DAB1: variants seen among roughly 807,000 people sequenced by gnomAD.
DAB1 encodes disabled homolog 1.
In DAB1, 15 loss-of-function variants were observed where a neutral mutation model predicts 64.6. That is an observed-to-expected ratio of 0.23 (90% CI 0.16 to 0.36). The LOEUF (loss-of-function observed/expected upper bound fraction) is 0.36, where lower values mean the gene tolerates loss of function less well. DAB1 is among the 10% of genes least tolerant of loss of function. The probability of loss-of-function intolerance (pLI) is 1.00; values close to 1 mark genes in which losing one functional copy is unlikely to be tolerated. For synonymous variants in DAB1, 235 were observed against 251.9 expected, an observed-to-expected ratio of 0.93 and a Z score of 0.64; for missense variants, 596 against 706.7, an observed-to-expected ratio of 0.84 and a Z score of 1.78.
At chr1:57,790,564 C>T (rs1229779596) in intron 6 of DAB1, among the ~76,000 whole-genome samples, 2 of 152,084 alleles carry the variant, frequency 1.3e-5, no homozygotes, top group African/African-American at 4.8e-5. Flanking sequence ...GTAGAAGTAT[C>T]CCAGAACCAG....
At chr1:58,118,515 C>T (rs1652509249) in intron 5 of DAB1, among the ~76,000 whole-genome samples, 1 of 113,702 alleles carries the variant, frequency 8.8e-6, no homozygotes, top group African/African-American at 3.5e-5. Context: ...CACACACACA[C>T]ACACACATAT....
intron 3 of DAB1, among the ~76,000 whole-genome samples, chr1:58,439,370 T>C (rs949654865): frequency 3.3e-5 from 5 of 152,094 alleles, no homozygotes; most frequent in African/African-American, 1.2e-4. Flanking sequence ...TCATTGTTCA[T>C]CTCCCTTCAG....
chr1:58,513,394 T>C (rs1646111657), intron 2 of DAB1, among the ~76,000 whole-genome samples: 1 of 152,092 alleles, frequency 6.6e-6, no homozygotes, highest in Non-Finnish European at 1.5e-5. Flanking sequence ...ACTGTGAAAA[T>C]GGACTAATAC....
At chr1:58,112,039 C>T (rs981329309) in intron 5 of DAB1, among the ~76,000 whole-genome samples, 1 of 152,170 alleles carries the variant, frequency 6.6e-6, no homozygotes, top group Non-Finnish European at 1.5e-5. Context: ...TTCTCCCTAT[C>T]CCCCAGTGGC....
At chr1:57,591,425 C>A (rs1242983365) in intron 7 of DAB1, among the ~76,000 whole-genome samples, 1 of 152,280 alleles carries the variant, frequency 6.6e-6, no homozygotes, top group South Asian at 2.1e-4. Context: ...AATGGACCAG[C>A]CAAAATTCAT....
intron 7 of DAB1, among the ~76,000 whole-genome samples, chr1:57,458,503 T>C (rs1686677000): frequency 6.6e-6 from 1 of 151,414 alleles, no homozygotes. Context: ...CGTGAATGAG[T>C]AACTTTTACT....
intron 6 of DAB1, among the ~76,000 whole-genome samples, chr1:57,815,862 T>C (rs1341058552): frequency 2.6e-5 from 4 of 152,200 alleles, no homozygotes; most frequent in African/African-American, 9.7e-5. Flanking sequence ...GTTTTTGCAA[T>C]GGTCTCCAAG....
intron 2 of DAB1, among the ~76,000 whole-genome samples, chr1:57,184,193 AG>A (rs1271364631): frequency 6.6e-6 from 1 of 152,244 alleles, no homozygotes; most frequent in Non-Finnish European, 1.5e-5. Flanking sequence ...TAAAGAAGCT[AG>A]TACCCTCCAC....
At chr1:57,563,556 C>T (rs926660196) in intron 7 of DAB1, among the ~76,000 whole-genome samples, 22 of 152,300 alleles carry the variant, frequency 1.4e-4, no homozygotes, top group African/African-American at 5.3e-4. Flanking sequence ...GAAGCTGTGA[C>T]AGATGGCACC....
intron 4 of DAB1, among the ~76,000 whole-genome samples, chr1:58,214,620 A>G (rs1463911915): frequency 1.3e-5 from 2 of 152,222 alleles, no homozygotes; most frequent in Non-Finnish European, 2.9e-5. Context: ...AACAGCTATT[A>G]GGGTTTGTTA....
At chr1:57,100,345 T>C (rs1484782211) in intron 4 of DAB1, among the ~76,000 whole-genome samples, 1 of 150,292 alleles carries the variant, frequency 6.7e-6, no homozygotes, top group Non-Finnish European at 1.5e-5. Context: ...GAGATTAGAC[T>C]GTACTACCTA....
intron 1 of DAB1, among the ~76,000 whole-genome samples, chr1:57,364,013 G>C (rs1679765245): frequency 6.6e-6 from 1 of 152,176 alleles, no homozygotes; most frequent in Non-Finnish European, 1.5e-5. Flanking sequence ...CTAAGAAAGT[G>C]CCTTGTAAGG....
At chr1:57,954,464 A>G (rs1484311591) in intron 5 of DAB1, among the ~76,000 whole-genome samples, 4 of 152,100 alleles carry the variant, frequency 2.6e-5, no homozygotes, top group Non-Finnish European at 5.9e-5. Flanking sequence ...CAGGAGTTAC[A>G]ATGATCATGC....
chr1:57,993,534 A>G (rs1402873123), intron 5 of DAB1, among the ~76,000 whole-genome samples: 1 of 152,184 alleles, frequency 6.6e-6, no homozygotes, highest in Non-Finnish European at 1.5e-5. Flanking sequence ...TTCTTGCTGC[A>G]TTCTTGAATA....
intron 5 of DAB1, among the ~76,000 whole-genome samples, chr1:57,996,313 T>C (rs1430353615): frequency 6.6e-6 from 1 of 152,176 alleles, no homozygotes; most frequent in Non-Finnish European, 1.5e-5. Flanking sequence ...TGATGAGAAT[T>C]AAATGAGATT....
At chr1:57,422,804 G>T (rs988089414) in intron 1 of DAB1, among the ~76,000 whole-genome samples, 15 of 152,194 alleles carry the variant, frequency 9.9e-5, no homozygotes, top group African/African-American at 3.6e-4. Flanking sequence ...GCCTCTCCAG[G>T]CAGCGATCCC....
At chr1:58,035,146 G>C (rs971780569) in intron 5 of DAB1, among the ~76,000 whole-genome samples, 1 of 152,126 alleles carries the variant, frequency 6.6e-6, no homozygotes, top group African/African-American at 2.4e-5. Flanking sequence ...TACAGTGAGC[G>C]ACAGAGAGGC....
intron 7 of DAB1, among the ~76,000 whole-genome samples, chr1:57,570,416 C>T (rs1429921672): frequency 2.0e-5 from 3 of 151,294 alleles, no homozygotes; most frequent in Non-Finnish European, 2.9e-5. Context: ...ATATATACTG[C>T]TTTAGTTCTG....
chr1:57,557,100 G>T (rs929211029), intron 7 of DAB1, among the ~76,000 whole-genome samples: 6 of 152,152 alleles, frequency 3.9e-5, no homozygotes, highest in Non-Finnish European at 7.4e-5. Flanking sequence ...GTCTGTGAGG[G>T]TGTTGCCACA....
Sources: gnomAD v4.1 joint callset for allele counts (sites outside exome capture counted in the v4.1 genomes callset) on GRCh38, gnomAD v4.1.1 for gene constraint, MANE v1.5 for transcripts, NCBI Gene and HGNC (gene_info 2026-07-23, HGNC 2026-07-21) for gene names.